Variants in PRDM11 observed in about 807,000 individuals in gnomAD.
PRDM11 encodes PR/SET domain 11.
PRDM11 carries 20 observed loss-of-function variants against 97.8 expected under a neutral mutation model. The ratio of observed to expected loss-of-function variants is 0.20; its 90% CI spans 0.14 to 0.30. The LOEUF (loss-of-function observed/expected upper bound fraction) is 0.30. Among genes scored for constraint, PRDM11 ranks in the 10% least tolerant of loss-of-function variants. The pLI, the probability that PRDM11 is intolerant of heterozygous loss-of-function variation, is 1.00. For missense variants in PRDM11, 1,139 were observed against 1,555.2 expected, an observed-to-expected ratio of 0.73 and a Z score of 4.50; for synonymous variants, 599 against 637.7, an observed-to-expected ratio of 0.94 and a Z score of 0.91.
intron 5 of PRDM11, chr11:45,212,332 G>A (rs1040075270): frequency 3.1e-6 from 1 of 323,300 alleles, no homozygotes; most frequent in Non-Finnish European, 6.2e-6. Flanking sequence ...ATTTCTCTAT[G>A]GGCGGGGGCC....
At chr11:45,138,081 G>A (rs1490045533) in intron 1 of PRDM11, among the ~76,000 whole-genome samples, 2 of 152,190 alleles carry the variant, frequency 1.3e-5, no homozygotes, top group Admixed American at 6.5e-5. Context: ...CCACCTGGGT[G>A]TACCAAGCTT....
At chr11:45,100,737 G>A (rs1345982085) in intron 1 of PRDM11, among the ~76,000 whole-genome samples, 16 of 152,240 alleles carry the variant, frequency 1.1e-4, no homozygotes, top group Admixed American at 1.0e-3. Context: ...CTGGGACTGA[G>A]CTCATAAGCC....
At chr11:45,189,465 C>A (rs1852830964) in intron 4 of PRDM11, among the ~76,000 whole-genome samples, 1 of 152,198 alleles carries the variant, frequency 6.6e-6, no homozygotes, top group Non-Finnish European at 1.5e-5. Flanking sequence ...CTGGTACATT[C>A]TGTCCATAAT....
At chr11:45,218,620 C>T (rs1016110350) in intron 5 of PRDM11, among the ~76,000 whole-genome samples, 2 of 152,174 alleles carry the variant, frequency 1.3e-5, no homozygotes, top group Non-Finnish European at 2.9e-5. Flanking sequence ...TAGCTCAGAA[C>T]CCTAAAACGT....
chr11:45,186,175 T>A (rs1250697338), intron 4 of PRDM11, among the ~76,000 whole-genome samples: 6 of 152,324 alleles, frequency 3.9e-5, no homozygotes, highest in African/African-American at 1.4e-4. Context: ...TGGCAGTTTA[T>A]TGGCAATTTA....
At chr11:45,158,435 C>T (rs1427068602) in intron 1 of PRDM11, among the ~76,000 whole-genome samples, 1 of 152,232 alleles carries the variant, frequency 6.6e-6, no homozygotes, top group African/African-American at 2.4e-5. Flanking sequence ...GGCTGCTGTT[C>T]AACAGGGAGT....
intron 4 of PRDM11, among the ~76,000 whole-genome samples, chr11:45,199,740 A>C (rs1853259558): frequency 6.6e-6 from 1 of 152,144 alleles, no homozygotes; most frequent in Admixed American, 6.5e-5. Flanking sequence ...CCAGAATAGG[A>C]AGCCCACAGC....
chr11:45,123,582 C>T (rs1424803874), intron 1 of PRDM11, among the ~76,000 whole-genome samples: 7 of 152,090 alleles, frequency 4.6e-5, no homozygotes, highest in African/African-American at 9.7e-5. Context: ...GTTTTCCCAG[C>T]ATCATTTATT....
In PRDM11 at chr11:45,195,434, A is replaced by AT. The variant is rs201590206; in HGVS notation, c.487-9272dup. 8.8e-3 allele frequency among the ~76,000 whole-genome samples: 1,336 copies of AT among 151,514 alleles called. 9 individuals are homozygous for AT. The highest frequency in any genetic ancestry group is 0.013 in the Non-Finnish European group (877 of 67,910). On this transcript the variant is annotated intron_variant, in intron 4 of 7. Transcript: ENST00000683152. ...ACTAATCTACTTTCTGACCCTATGG[A>AT]TTTTTCTATTCTGGCCTTTCATATA...
intron 4 of PRDM11, among the ~76,000 whole-genome samples, chr11:45,187,832 GT>G (rs1852763951): frequency 2.1e-5 from 3 of 144,296 alleles, no homozygotes; most frequent in Non-Finnish European, 4.7e-5. Flanking sequence ...GTGTGTGTGT[GT>G]ATGTGTGTGT....
intron 1 of PRDM11, among the ~76,000 whole-genome samples, chr11:45,162,300 A>G (rs1046786119): frequency 6.6e-6 from 1 of 152,060 alleles, no homozygotes; most frequent in African/African-American, 2.4e-5. Flanking sequence ...TGGGGGCTCC[A>G]GTGCTTCTCC....
upstream of PRDM11, among the ~76,000 whole-genome samples, chr11:45,142,660 G>A (rs1050208063): frequency 3.7e-4 from 57 of 152,160 alleles, no homozygotes; most frequent in African/African-American, 1.4e-3. Context: ...AAAAAATGGC[G>A]ATGATGATCT....
Position 45,228,099 on chromosome 11 carries a change from G to A in PRDM11, c.3474G>A (p.Leu1158=). 3 of 1,533,740 alleles carry A rather than the reference G, an allele frequency of 2.0e-6. No homozygotes were observed. In the South Asian group the frequency reaches 3.6e-5, roughly 18 times the overall value. The change falls in exon 8 of 8, where the codon CTG becomes CTA. Residue 1158 remains leucine, a synonymous_variant. Transcript: ENST00000683152. ...AAGTCCTCAGTAGGATGTCTGCGCTGGAGCAGAAGCCAGCACTACAGACCA... is the reference window on the plus strand; with the variant it reads ...AAGTCCTCAGTAGGATGTCTGCGCTAGAGCAGAAGCCAGCACTACAGACCA... ...SAEVLSRMSA[L]EQKPALQTMD...
intron 4 of PRDM11, among the ~76,000 whole-genome samples, chr11:45,203,491 A>C (rs2135793700): frequency 1.3e-5 from 2 of 152,254 alleles, no homozygotes; most frequent in Admixed American, 1.3e-4. Context: ...CGGATTAGAC[A>C]CAGCCAAAGA....
intron 5 of PRDM11, chr11:45,213,498 AG>A (rs746143535): frequency 6.6e-6 from 3 of 456,282 alleles, no homozygotes; most frequent in South Asian, 4.6e-5. Context: ...TCCTTCAGGG[AG>A]GGGTCTACCC....
chr11:45,174,215 G>C (rs1852273797), intron 1 of PRDM11, among the ~76,000 whole-genome samples: 1 of 152,134 alleles, frequency 6.6e-6, no homozygotes, highest in Admixed American at 6.5e-5. Flanking sequence ...TGTAGTTGTA[G>C]TTTGTCTATT....
chr11:45,199,428 C>T (rs1853246966), intron 4 of PRDM11, among the ~76,000 whole-genome samples: 1 of 152,214 alleles, frequency 6.6e-6, no homozygotes, highest in East Asian at 1.9e-4. Flanking sequence ...ATCCTGTCCC[C>T]ACGACATGGT....
At chr11:45,125,017 G>T (rs546805558) in intron 1 of PRDM11, among the ~76,000 whole-genome samples, 121 of 152,190 alleles carry the variant, frequency 8.0e-4, no homozygotes, top group African/African-American at 2.7e-3. Flanking sequence ...CAATTTCAGA[G>T]CCTGTTATTG....
rs1468390677 is a variant in PRDM11 at position 45,228,263 on chromosome 11, TA to T, written c.*105del. 2.1e-5 allele frequency: 4 copies of T among 191,314 alleles called. No homozygotes were observed. The East Asian group carries it at 4.6e-4, about 22-fold the overall frequency. 11.9% of individuals were successfully genotyped at this position (191,314 alleles called of 1,614,324 possible). ...ATATATATTATATTATATTATATTA[TA>T]TTATATATATATATATATATAAACT... On this transcript the variant is annotated 3_prime_UTR_variant, in exon 8 of 8. Transcript: ENST00000683152.
Sources: allele counts gnomAD v4.1 joint callset (sites outside exome capture counted in the v4.1 genomes callset), GRCh38; gene constraint gnomAD v4.1.1; transcripts MANE v1.5; gene names NCBI Gene and HGNC (gene_info 2026-07-23, HGNC 2026-07-21).